The following SLC12A8 variants were observed in gnomAD, a reference collection of about 807,000 sequenced individuals.
SLC12A8 encodes solute carrier family 12 member 8.
SLC12A8 carries 69 observed loss-of-function variants against 75.6 expected under a neutral mutation model. The ratio of observed to expected loss-of-function variants is 0.91; its 90% confidence interval spans 0.75 to 1.11. The LOEUF (loss-of-function observed/expected upper bound fraction) is 1.11. Among genes scored for constraint, SLC12A8 ranks in the 50% most tolerant of loss-of-function variants. The probability of loss-of-function intolerance (pLI) is 0.00; values close to 1 mark genes in which losing one functional copy is unlikely to be tolerated. For synonymous variants in SLC12A8, 365 were observed against 372.8 expected, an observed-to-expected ratio of 0.98 and a Z score of 0.24; for missense variants, 877 against 896.7, an observed-to-expected ratio of 0.98 and a Z score of 0.28.
rs189628132 is a variant in SLC12A8, at chr3:125,124,811, G to C, written c.737-4125C>G. On this transcript the variant is annotated intron_variant, in intron 6 of 13. Transcript: ENST00000469902. ...TTTCCTGTCTGTGTTAAGTGTCACA[G>C]AAATTCTCTAGTTTGCTTTCTTTTT... Among the ~76,000 whole-genome samples, 20 of 152,298 alleles carry C rather than the reference G, an allele frequency of 1.3e-4. 1 individual carries two copies. The highest frequency in any genetic ancestry group is 1.3e-3 in the Admixed American group (20 of 15,304).
intron 10 of SLC12A8, 51 bp from the exon 11 acceptor site, chr3:125,092,249 G>GT (rs1553784968): frequency 1.5e-6 from 2 of 1,345,910 alleles, no homozygotes; most frequent in Non-Finnish European, 2.1e-6. Flanking sequence ...ACTCTCTACT[G>GT]TTTTTTAGGA....
At chr3:125,130,545 T>C (rs1933325036) in intron 6 of SLC12A8, among the ~76,000 whole-genome samples, 1 of 150,292 alleles carries the variant, frequency 6.7e-6, no homozygotes, top group Admixed American at 6.6e-5. Context: ...TGAGCTGAGA[T>C]CACACCACTG....
At chr3:125,167,771 G>A (rs1934320831) in intron 5 of SLC12A8, among the ~76,000 whole-genome samples, 1 of 152,216 alleles carries the variant, frequency 6.6e-6, no homozygotes, top group Non-Finnish European at 1.5e-5. Flanking sequence ...ACGGCATGGT[G>A]AAGAGAATTC....
At chr3:125,170,641 G>C (rs587899) in intron 5 of SLC12A8, among the ~76,000 whole-genome samples, 136,871 of 152,176 alleles carry the variant, frequency 0.9, 62,010 homozygotes, top group Admixed American at 0.95. Context: ...GGGGCCGGGC[G>C]TGGTGGCTCA....
intron 10 of SLC12A8, among the ~76,000 whole-genome samples, chr3:125,098,254 G>C (rs1938767916): frequency 6.6e-6 from 1 of 152,188 alleles, no homozygotes; most frequent in Middle Eastern, 3.4e-3. Context: ...AGTCCACGTG[G>C]TATTTTATCA....
intron 10 of SLC12A8, 134 bp downstream of exon 10, chr3:125,107,347 T>C (rs138805325): frequency 4.0e-5 from 33 of 815,132 alleles, no homozygotes; most frequent in Non-Finnish European, 6.0e-5. Flanking sequence ...GAATATAATG[T>C]TTTAAAACAA....
At chr3:125,114,558 G>T (rs1456988016) in intron 8 of SLC12A8, among the ~76,000 whole-genome samples, 2 of 152,142 alleles carry the variant, frequency 1.3e-5, no homozygotes, top group African/African-American at 4.8e-5. Flanking sequence ...TCGAGTAGCT[G>T]GAACTACAGG....
At chr3:125,131,546 C>T (rs1349448736) in intron 6 of SLC12A8, among the ~76,000 whole-genome samples, 6 of 152,114 alleles carry the variant, frequency 3.9e-5, no homozygotes, top group African/African-American at 1.4e-4. Context: ...CCCTACCACA[C>T]CTGGCTAATT....
chr3:125,168,094 C>T (rs1463815272), intron 5 of SLC12A8, among the ~76,000 whole-genome samples: 1 of 152,164 alleles, frequency 6.6e-6, no homozygotes, highest in Non-Finnish European at 1.5e-5. Context: ...AAGGGAAGAT[C>T]CTCAAGGGAT....
At chr3:125,135,146 C>G (rs571653682) in intron 6 of SLC12A8, among the ~76,000 whole-genome samples, 17 of 152,184 alleles carry the variant, frequency 1.1e-4, no homozygotes, top group African/African-American at 3.9e-4. Flanking sequence ...CTCACCCCCG[C>G]GATACTGGTT....
intron 5 of SLC12A8, among the ~76,000 whole-genome samples, chr3:125,164,215 C>T (rs1363011050): frequency 1.3e-5 from 2 of 152,170 alleles, no homozygotes; most frequent in Non-Finnish European, 2.9e-5. Flanking sequence ...CCAGAGCCAG[C>T]GGGTGCCAGG....
At chr3:125,103,459 T>TAAA (rs34404091) in intron 10 of SLC12A8, among the ~76,000 whole-genome samples, 3 of 120,908 alleles carry the variant, frequency 2.5e-5, no homozygotes, top group Middle Eastern at 3.7e-3. Flanking sequence ...GTACTTCACT[T>TAAA]AAAAAAAAAA....
At position 125,187,421 on chromosome 3, in the gene SLC12A8, G is replaced by C. The variant is rs1422538344; in HGVS notation, c.206C>G (p.Thr69Arg). ...CAGGAACATGCCCAGGAGCACTCCT[G>C]TGTTTCCCTGCAGCAGAATAGCAAG... Reference protein sequence around the residue: ...FLRTGWLVGNTGVLLGMFLVS... With the variant: ...FLRTGWLVGNRGVLLGMFLVS... The change falls in exon 4 of 14, where the codon ACA (threonine) becomes AGA (arginine). Residue 69 changes from threonine to arginine, a missense_variant. Thr to Arg is a moderately conservative substitution (Grantham distance 71). Transcript: ENST00000469902. 2 of 1,613,894 alleles carry C rather than the reference G, an allele frequency of 1.2e-6. No individual in the cohort carries two copies. The highest frequency in any genetic ancestry group is 1.1e-5 in the South Asian group (1 of 91,028).
intron 2 of SLC12A8, chr3:125,192,464 A>G (rs1254472533): frequency 6.6e-6 from 1 of 152,364 alleles, no homozygotes; most frequent in Non-Finnish European, 1.5e-5. Context: ...TGGACTTTGC[A>G]TAACTGCGAA....
intron 10 of SLC12A8, among the ~76,000 whole-genome samples, chr3:125,104,169 G>C (rs1453623065): frequency 1.3e-5 from 2 of 152,098 alleles, no homozygotes; most frequent in African/African-American, 2.4e-5. Context: ...GCGGTGGAGT[G>C]ATCATAGCTC....
At chr3:125,208,538 G>A (rs1048336820) in intron 2 of SLC12A8, among the ~76,000 whole-genome samples, 6 of 152,020 alleles carry the variant, frequency 3.9e-5, no homozygotes, top group African/African-American at 1.4e-4. Flanking sequence ...TCTTTTAATT[G>A]TCTTCATTCT....
intron 5 of SLC12A8, among the ~76,000 whole-genome samples, chr3:125,166,843 T>C (rs1326294242): frequency 1.3e-5 from 2 of 152,242 alleles, no homozygotes; most frequent in Admixed American, 1.3e-4. Flanking sequence ...TGCGGTATGA[T>C]ACAATGTATA....
At chr3:125,192,310 G>A (rs1263374042) in intron 2 of SLC12A8, among the ~76,000 whole-genome samples, 1 of 152,136 alleles carries the variant, frequency 6.6e-6, no homozygotes, top group East Asian at 1.9e-4. Flanking sequence ...GCTGAGAGAA[G>A]AAACCTGACG....
chr3:125,122,709 G>T (rs182777246), intron 6 of SLC12A8, among the ~76,000 whole-genome samples: 83 of 152,312 alleles, frequency 5.4e-4, no homozygotes, highest in African/African-American at 1.9e-3. Context: ...TAGGGCCCCA[G>T]CAGGGAGACA....
Sources: gnomAD v4.1 joint callset for allele counts (sites outside exome capture counted in the v4.1 genomes callset) on GRCh38, gnomAD v4.1.1 for gene constraint, MANE v1.5 for transcripts, NCBI Gene and HGNC (gene_info 2026-07-23, HGNC 2026-07-21) for gene names.